The following ADAP1 variants were observed in gnomAD, a reference collection of about 807,000 sequenced individuals.
The protein encoded by ADAP1 is arf-GAP with dual PH domain-containing protein 1.
Under a neutral mutation model 54.9 loss-of-function variants are expected in ADAP1, and 31 were observed. That is an observed-to-expected ratio of 0.56 (90% CI 0.42 to 0.76). ADAP1 has a LOEUF of 0.76. Ranked by LOEUF, ADAP1 falls within the 30% of genes least tolerant of loss-of-function variation. The pLI, the probability that ADAP1 is intolerant of heterozygous loss-of-function variation, is 0.00. For missense variants in ADAP1, 535 were observed against 512.4 expected (o/e 1.04, Z -0.42); for synonymous variants, 313 against 202.6 (o/e 1.55, Z -4.63).
chr7:922,756 G>GT (rs1161443035), intron 3 of ADAP1, among the ~76,000 whole-genome samples: 13 of 152,168 alleles, frequency 8.5e-5, no homozygotes, highest in African/African-American at 2.4e-4. Flanking sequence ...ACCCAGATGG[G>GT]TTTTTTCCCT....
rs1844626472 is a variant in ADAP1, at chr7:898,726, G to A, written c.*195C>T. The A allele has an allele frequency of 4.4e-6, 3 of 688,096 alleles. No homozygotes were observed. The South Asian group carries it at 5.3e-5, about 12-fold the overall frequency. The allele number at this position is 688,096 out of a possible 1,614,324, so 42.6% of individuals were successfully genotyped here. A position where few individuals can be genotyped will look rare whatever the true frequency, so the allele number is the denominator to read the frequency against. On this transcript the variant is annotated 3_prime_UTR_variant, in exon 11 of 11. Coordinates refer to ENST00000265846, the MANE Select transcript of ADAP1 (RefSeq NM_006869.4). Reference sequence around the variant, plus strand: ...ATGACGGGGTTAGAGATCAGGCCCAGGGCCTGGGCTGCCTGCCTTGAGGTT... The same window carrying A: ...ATGACGGGGTTAGAGATCAGGCCCAAGGCCTGGGCTGCCTGCCTTGAGGTT...
chr7:940,787 G>GT (rs1583183251), intron 1 of ADAP1, among the ~76,000 whole-genome samples: 1 of 152,168 alleles, frequency 6.6e-6, no homozygotes, highest in African/African-American at 2.4e-5. Flanking sequence ...ATCAACAGGG[G>GT]TTTTTACCAG....
intron 6 of ADAP1, 72 bp from the exon 7 acceptor site, chr7:900,688 G>GTCCCCACAGAGGGGCTGGGT: frequency 7.5e-7 from 1 of 1,328,576 alleles, no homozygotes; most frequent in Non-Finnish European, 1.1e-6. Flanking sequence ...AGGGGCTGGG[G>GTCCCCACAGAGGGGCTGGGT]TCCCCACAGA....
chr7:947,086 C>G (rs1165118286), intron 1 of ADAP1, among the ~76,000 whole-genome samples: 1 of 152,068 alleles, frequency 6.6e-6, no homozygotes, highest in Non-Finnish European at 1.5e-5. Context: ...GTCACTCAGG[C>G]TGGAGTGCAG....
At chr7:953,478 C>T (rs1562940337) in intron 1 of ADAP1, among the ~76,000 whole-genome samples, 1 of 152,324 alleles carries the variant, frequency 6.6e-6, no homozygotes, top group East Asian at 1.9e-4. Context: ...CAAGGTCTTC[C>T]CCCGCTCCCT....
At chr7:912,436 G>T (rs1304423950) in intron 4 of ADAP1, among the ~76,000 whole-genome samples, 1 of 152,192 alleles carries the variant, frequency 6.6e-6, no homozygotes, top group East Asian at 1.9e-4. Flanking sequence ...CCACATCTGG[G>T]GGAGGGGTGC....
intron 1 of ADAP1, 100 bp from the exon 2 acceptor site, chr7:935,605 G>A: frequency 1.4e-6 from 2 of 1,455,752 alleles, no homozygotes; most frequent in South Asian, 1.3e-5. Flanking sequence ...ATGCAGTGGG[G>A]GGGGCTTCAG....
chr7:951,015 G>A (rs1285580764), intron 1 of ADAP1, among the ~76,000 whole-genome samples: 1 of 151,974 alleles, frequency 6.6e-6, no homozygotes, highest in Non-Finnish European at 1.5e-5. Flanking sequence ...GCGGTGGCAC[G>A]GTGAGTGAAC....
intron 1 of ADAP1, among the ~76,000 whole-genome samples, chr7:942,535 T>G (rs111162061): frequency 1.6e-3 from 42 of 26,652 alleles, no homozygotes; most frequent in Admixed American, 6.2e-3. Flanking sequence ...AGGAAGGGAG[T>G]GAGGAGGAGG....
chr7:924,950 G>A (rs1846331600), intron 3 of ADAP1, among the ~76,000 whole-genome samples: 1 of 152,102 alleles, frequency 6.6e-6, no homozygotes, highest in African/African-American at 2.4e-5. Flanking sequence ...GGAGACAGCA[G>A]CTGGCACCTG....
chr7:899,204 G>A lies in ADAP1; in HGVS notation c.925C>T (p.Leu309=), dbSNP rs1176368760. 5 of 1,612,652 alleles carry A rather than the reference G, an allele frequency of 3.1e-6. No homozygotes were observed. Among genetic ancestry groups the A allele is most frequent in the Non-Finnish European group, 4.2e-6 (5 of 1,179,980 alleles). Residue 309 remains leucine (L), a synonymous_variant, in exon 10 of 11, where the codon CTG becomes TTG. Coordinates refer to ENST00000265846, the MANE Select transcript of ADAP1 (RefSeq NM_006869.4). ...IGSKESGYTV[L]HGFPPSTQGH... ...TGGGTGGACGGCGGGAACCCATGCA[G>A]CACCGTGTAGCCACTCTCCTTGCTG...
chr7:951,329 C>T (rs914978253), intron 1 of ADAP1, among the ~76,000 whole-genome samples: 5 of 150,772 alleles, frequency 3.3e-5, no homozygotes, highest in African/African-American at 9.8e-5. Flanking sequence ...GCCGAGATCG[C>T]ACCACTGCAG....
chr7:915,031 G>A (rs1367566690), intron 4 of ADAP1, among the ~76,000 whole-genome samples: 1 of 59,880 alleles, frequency 1.7e-5, no homozygotes, highest in Non-Finnish European at 3.2e-5. Context: ...TGGGGCCCGA[G>A]GCCCTCTGGC....
rs969964204 is a variant in ADAP1, at chr7:899,970, CA to C, written c.795+131del. ...CTCGGGGACCCCGGCCAGGCACAGA[CA>C]AGGGGCTGTGAGGACCCACCAGACA... On this transcript the variant is annotated intron_variant, in intron 8 of 10. Coordinates refer to ENST00000265846, the MANE Select transcript of ADAP1 (RefSeq NM_006869.4). 9.8e-6 allele frequency: 11 copies of C among 1,121,552 alleles called. No individual in the cohort carries two copies. In the Admixed American group the frequency reaches 2.1e-4, roughly 21 times the overall value. The allele number at this position is 1,121,552 out of a possible 1,614,324, so 69.5% of individuals were successfully genotyped here.
chr7:945,774 C>T lies in ADAP1; in HGVS notation c.82+8622G>A, dbSNP rs1053748642. ...CGCTCTGCCCTACCTGCTCCCAGGA[C>T]GCCCGAGGTGACTCAGCCGCTCACC... On this transcript the variant is annotated intron_variant, in intron 1 of 10. Transcript: ENST00000265846. The surrounding 1 kb of genome is among the most constrained non-coding windows in gnomAD (Gnocchi z 4.2). The T allele has an allele frequency of 1.6e-5, 16 of 985,606 alleles. No individual in the cohort carries two copies. The highest frequency in any genetic ancestry group is 4.7e-5 in the South Asian group (1 of 21,304). 61.1% of individuals were successfully genotyped at this position (985,606 alleles called of 1,614,324 possible). A position where few individuals can be genotyped will look rare whatever the true frequency, so the allele number is the denominator to read the frequency against.
chr7:935,785 C>A (rs1177971423), intron 1 of ADAP1, among the ~76,000 whole-genome samples: 1 of 152,170 alleles, frequency 6.6e-6, no homozygotes, highest in Non-Finnish European at 1.5e-5. Context: ...GAACCTCCAG[C>A]AGAGGCCGGC....
chr7:932,883 G>A (rs563366000), intron 2 of ADAP1, among the ~76,000 whole-genome samples: 8 of 152,278 alleles, frequency 5.3e-5, no homozygotes, highest in East Asian at 3.9e-4. Flanking sequence ...ATTTGGGGTC[G>A]CCCTGGGTGG....
chr7:918,553 TG>T (rs1258032517), intron 4 of ADAP1, among the ~76,000 whole-genome samples: 1 of 151,976 alleles, frequency 6.6e-6, no homozygotes, highest in African/African-American at 2.4e-5. Context: ...ACAAGGGCAG[TG>T]GGGGCAGTGC....
Position 940,361 on chromosome 7 carries a change from C to T in ADAP1, c.83-4856G>A, listed in dbSNP as rs867939119. ...ACACACACACACACACACACACACA[C>T]ACACACACACACAATATGGAGACAT... On this transcript the variant is annotated intron_variant, in intron 1 of 10. Transcript: ENST00000265846. Among the ~76,000 whole-genome samples, 10 of 150,664 alleles carry T rather than the reference C, an allele frequency of 6.6e-5. No homozygotes were observed. The South Asian group carries it at 1.9e-3, about 28-fold the overall frequency.
Sources: allele counts gnomAD v4.1 joint callset (sites outside exome capture counted in the v4.1 genomes callset), GRCh38; gene constraint gnomAD v4.1.1; non-coding constraint Gnocchi (gnomAD v3.1); transcripts MANE v1.5; gene names NCBI Gene and HGNC (gene_info 2026-07-23, HGNC 2026-07-21).